DDX52: variants seen among roughly 807,000 people sequenced by gnomAD.
DDX52 encodes the protein DExD-box helicase 52, also known as probable ATP-dependent RNA helicase DDX52.
DDX52 carries 59 observed loss-of-function variants against 76.1 expected under a neutral mutation model. The observed-to-expected ratio is 0.78, with a 90% confidence interval of 0.63 to 0.96. DDX52 has a LOEUF of 0.96. Ranked by LOEUF, DDX52 falls within the 40% of genes least tolerant of loss-of-function variation. The pLI is 0.00. For missense variants in DDX52, 707 were observed against 703.9 expected, an observed-to-expected ratio of 1.00 and a Z score of -0.05; for synonymous variants, 231 against 244.1, an observed-to-expected ratio of 0.95 and a Z score of 0.50.
At position 37,610,699 on chromosome 17, in the gene DDX52, AAC is replaced by A. The variant is rs2064323648; in HGVS notation, c.*3595_*3596del. ...TACAGATGAGAAAATCAAGGTTAGA[AAC>A]AGTTACTGTCATTTGTCCAGATCAT... is the stretch of plus-strand genomic sequence containing the variant. On this transcript the variant is annotated 3_prime_UTR_variant, in exon 15 of 15. Coordinates refer to ENST00000617633, the MANE Select transcript of DDX52 (RefSeq NM_007010.5). The A allele has an allele frequency of 6.6e-6, 1 of 152,182 alleles. No individual in the cohort carries two copies. The highest frequency in any genetic ancestry group is 2.4e-5 in the African/African-American group (1 of 41,442). The allele number at this position is 152,182 out of a possible 1,614,324, so 9.4% of individuals were successfully genotyped here.
At chr17:37,635,164 T>C (rs1426137414) in intron 2 of DDX52, among the ~76,000 whole-genome samples, 1 of 152,210 alleles carries the variant, frequency 6.6e-6, no homozygotes, top group East Asian at 1.9e-4. Flanking sequence ...CTAGTTCTAA[T>C]TTCTAAATTA....
intron 2 of DDX52, 79 bp from the exon 3 acceptor site, chr17:37,633,497 T>G: frequency 1.7e-6 from 2 of 1,175,918 alleles, no homozygotes; most frequent in Non-Finnish European, 2.2e-6. Context: ...AAAAAAAAAT[T>G]AAAAATTAGT....
chr17:37,630,471 A>C (rs191083468), intron 4 of DDX52, among the ~76,000 whole-genome samples: 2 of 152,188 alleles, frequency 1.3e-5, no homozygotes, highest in Non-Finnish European at 2.9e-5. Flanking sequence ...CTTTTCCACT[A>C]AACTATTGTC....
Position 37,626,035 on chromosome 17 carries a change from T to C in DDX52, c.996A>G (p.Arg332=). Residue 332 remains arginine, a synonymous_variant, in exon 8 of 15, where the codon AGA becomes AGG. Transcript: ENST00000617633. ...CCAGGAAAATGGAAGCCAGCTGGTCTCTGAACCCAGTTTTGCCATCTTCAA... is the reference window on the plus strand; with the variant it reads ...CCAGGAAAATGGAAGCCAGCTGGTCCCTGAACCCAGTTTTGCCATCTTCAA... ...KLFEDGKTGF[R]DQLASIFLAC... 2 of 1,614,176 alleles carry C rather than the reference T, an allele frequency of 1.2e-6. No homozygotes were observed. Among genetic ancestry groups the C allele is most frequent in the Non-Finnish European group, 1.7e-6 (2 of 1,180,032 alleles).
In DDX52 at chr17:37,638,240, T is replaced by C. The variant is rs2031021769; in HGVS notation, c.286+3870A>G. Among the ~76,000 whole-genome samples, 4 of 152,334 alleles carry C rather than the reference T, an allele frequency of 2.6e-5. No individual in the cohort carries two copies. In the South Asian group the frequency reaches 8.3e-4, roughly 32 times the overall value. On this transcript the variant is annotated intron_variant, in intron 2 of 14. Transcript: ENST00000617633. ...GCCAAAGAGTAGTATCTGCTTATTA[T>C]GAGAGTGTCTGAAGAAAGTTAGCCA...
intron 13 of DDX52, 48 bp downstream of exon 13, chr17:37,619,720 G>T: frequency 1.1e-5 from 16 of 1,437,544 alleles, no homozygotes; most frequent in Non-Finnish European, 1.3e-5. Flanking sequence ...AAAAAAGAAT[G>T]TATATACAAA....
Position 37,628,544 on chromosome 17 carries a change from A to G in DDX52, c.859+17T>C, listed in dbSNP as rs767183380. The G allele has an allele frequency of 6.3e-7, 1 of 1,579,638 alleles. No individual in the cohort carries two copies. The highest frequency in any genetic ancestry group is 8.7e-7 in the Non-Finnish European group (1 of 1,151,846). Reference sequence around the variant, plus strand: ...TCCTTACATGCTCTATCTACATCCCATGTATGAATTCCTTACCAAACTTTT... The same window carrying G: ...TCCTTACATGCTCTATCTACATCCCGTGTATGAATTCCTTACCAAACTTTT... On this transcript the variant is annotated intron_variant, in intron 6 of 14. Transcript: ENST00000617633.
chr17:37,621,573 C>A, intron 9 of DDX52, 53 bp from the exon 10 acceptor site: 1 of 1,546,662 alleles, frequency 6.5e-7, no homozygotes, highest in South Asian at 1.2e-5. Flanking sequence ...TACAATTGGT[C>A]ATTATTTCAT....
intron 6 of DDX52, among the ~76,000 whole-genome samples, chr17:37,628,349 G>A (rs1020098834): frequency 6.6e-6 from 1 of 152,114 alleles, no homozygotes; most frequent in Non-Finnish European, 1.5e-5. Flanking sequence ...GGTGAAAGGT[G>A]GGGGGCAAGA....
intron 2 of DDX52, among the ~76,000 whole-genome samples, chr17:37,637,956 C>G (rs1374367434): frequency 6.6e-6 from 1 of 152,194 alleles, no homozygotes; most frequent in African/African-American, 2.4e-5. Context: ...CCCAAATCAG[C>G]TGCAGACAAG....
chr17:37,636,793 A>G (rs1466689323), intron 2 of DDX52, among the ~76,000 whole-genome samples: 1 of 152,186 alleles, frequency 6.6e-6, no homozygotes, highest in Non-Finnish European at 1.5e-5. Context: ...GTAGCAGCAG[A>G]CCACCCGCAT....
chr17:37,636,174 T>C (rs1201117704), intron 2 of DDX52, among the ~76,000 whole-genome samples: 1 of 152,240 alleles, frequency 6.6e-6, no homozygotes, highest in Non-Finnish European at 1.5e-5. Context: ...CCTTGACATA[T>C]CTCAAGGCCA....
intron 2 of DDX52, chr17:37,635,522 C>T (rs2030882298): frequency 1.6e-5 from 7 of 428,854 alleles, no homozygotes; most frequent in Non-Finnish European, 3.3e-5. Flanking sequence ...TGAAATTCAC[C>T]TATGTTGCAC....
chr17:37,642,035 T>C, intron 2 of DDX52, 75 bp downstream of exon 2: 2 of 1,570,560 alleles, frequency 1.3e-6, no homozygotes, highest in Non-Finnish European at 8.7e-7. Context: ...GTCTGACTTG[T>C]AGCCATAAGC....
intron 2 of DDX52, 31 bp downstream of exon 2, chr17:37,642,079 A>C (rs562906311): frequency 6.2e-6 from 10 of 1,607,138 alleles, no homozygotes; most frequent in Non-Finnish European, 8.5e-6. Context: ...AAAATTAAAG[A>C]GAAAAAACAT....
Position 37,609,946 on chromosome 17 carries a change from A to T in DDX52, c.*4350T>A, listed in dbSNP as rs2064276522. 1.3e-5 allele frequency: 2 copies of T among 152,162 alleles called. No individual in the cohort carries two copies. The allele number at this position is 152,162 out of a possible 1,614,324, so 9.4% of individuals were successfully genotyped here. On this transcript the variant is annotated 3_prime_UTR_variant, in exon 15 of 15. Coordinates refer to ENST00000617633, the MANE Select transcript of DDX52 (RefSeq NM_007010.5). ...TAAATTTTATTTTAAATCAACCAAGAGCCCAAAAACCCAACCCATATTTCG... is the reference window on the plus strand; with the variant it reads ...TAAATTTTATTTTAAATCAACCAAGTGCCCAAAAACCCAACCCATATTTCG...
intron 2 of DDX52, among the ~76,000 whole-genome samples, chr17:37,641,424 C>A (rs1277551551): frequency 2.0e-5 from 3 of 151,396 alleles, no homozygotes; most frequent in Non-Finnish European, 4.4e-5. Flanking sequence ...TGCTCGACCT[C>A]ACCAGTTATC....
At chr17:37,640,080 C>G (rs369946760) in intron 2 of DDX52, among the ~76,000 whole-genome samples, 2 of 152,342 alleles carry the variant, frequency 1.3e-5, no homozygotes, top group African/African-American at 4.8e-5. Context: ...AGGCAAAGTA[C>G]TTCCTACTGA....
chr17:37,620,041 A>T (rs1598752835), intron 12 of DDX52: 5 of 507,708 alleles, frequency 9.8e-6, no homozygotes, highest in Non-Finnish European at 1.4e-5. Context: ...TAATGCACTG[A>T]TGAATAACTA....
Sources: gnomAD v4.1 joint callset for allele counts (sites outside exome capture counted in the v4.1 genomes callset) on GRCh38, gnomAD v4.1.1 for gene constraint, MANE v1.5 for transcripts, NCBI Gene and HGNC (gene_info 2026-07-23, HGNC 2026-07-21) for gene names.